The following MCM3 variants were observed in gnomAD, a reference collection of about 807,000 sequenced individuals.
MCM3 encodes the protein minichromosome maintenance complex component 3.
A neutral mutation model predicts 91.3 loss-of-function variants in MCM3; 59 were observed. That is an observed-to-expected ratio of 0.65 (90% CI 0.52 to 0.80). The LOEUF is 0.80. Among genes scored for constraint, MCM3 ranks in the 30% least tolerant of loss-of-function variants. MCM3 has a pLI of 0.00. For missense variants in MCM3, 919 were observed against 1,035.4 expected (o/e 0.89, Z 1.54); for synonymous variants, 383 against 379.6 (o/e 1.01, Z -0.10).
rs184393515 is a variant in MCM3 at position 52,272,686 on chromosome 6, T to C, written c.1677-235A>G. Among the ~76,000 whole-genome samples, 17 of 152,356 alleles carry C rather than the reference T, an allele frequency of 1.1e-4. No individual in the cohort carries two copies. The East Asian group carries it at 3.3e-3, about 29-fold the overall frequency. ...AAAGTTTAGGTATTATTTGCTCTATTTTGTAGGTGGGAAAACTACAGCTCA... is the reference window on the plus strand; with the variant it reads ...AAAGTTTAGGTATTATTTGCTCTATCTTGTAGGTGGGAAAACTACAGCTCA... On this transcript the variant is annotated intron_variant, in intron 11 of 16. Coordinates refer to ENST00000596288, the MANE Select transcript of MCM3 (RefSeq NM_002388.6).
At position 52,266,609 on chromosome 6, in the gene MCM3, A is replaced by G; in HGVS notation, c.2158+2T>C. ...CTTTCATCAGTAAGTGGGCTCACTC[A>G]CCTTGAGGCATTTCCTCCTCTGTGT... On this transcript the variant is annotated splice_donor_variant, in intron 15 of 16. Coordinates refer to ENST00000596288, the MANE Select transcript of MCM3 (RefSeq NM_002388.6). LOFTEE classifies it high-confidence loss of function. 1 of 1,613,570 alleles carries G rather than the reference A, an allele frequency of 6.2e-7. No individual in the cohort carries two copies. The highest frequency in any genetic ancestry group is 8.5e-7 in the Non-Finnish European group (1 of 1,179,550).
intron 5 of MCM3, 95 bp downstream of exon 5, chr6:52,279,266 T>C: frequency 9.5e-7 from 1 of 1,049,910 alleles, no homozygotes; most frequent in East Asian, 2.4e-5. Context: ...ACCTATCAGA[T>C]ATAACTCTCT....
At chr6:52,277,273 G>A (rs1765660530) in intron 7 of MCM3, 75 bp from the exon 8 acceptor site, 2 of 1,503,342 alleles carry the variant, frequency 1.3e-6, no homozygotes, top group South Asian at 1.2e-5. Flanking sequence ...TTCTAGCACA[G>A]CTCTTGACAC....
chr6:52,277,504 A>G, intron 7 of MCM3, 31 bp downstream of exon 7: 1 of 1,594,088 alleles, frequency 6.3e-7, no homozygotes, highest in East Asian at 2.2e-5. Flanking sequence ...CCATCAGAAC[A>G]ACAGTCTAAA....
chr6:52,283,076 A>G (rs554840922), intron 2 of MCM3, among the ~76,000 whole-genome samples: 4 of 151,814 alleles, frequency 2.6e-5, no homozygotes, highest in Non-Finnish European at 5.9e-5. Context: ...TATAAAAATG[A>G]TATTCAGCTA....
At chr6:52,279,688 A>C (rs1034071027) in intron 4 of MCM3, 89 bp from the exon 5 acceptor site, 5 of 972,216 alleles carry the variant, frequency 5.1e-6, no homozygotes, top group African/African-American at 4.9e-5. Flanking sequence ...AGATGACTTC[A>C]TAAAATTTTA....
chr6:52,282,348 T>A (rs994850045), intron 3 of MCM3, among the ~76,000 whole-genome samples, 173 bp from the exon 4 acceptor site: 3 of 151,910 alleles, frequency 2.0e-5, no homozygotes, highest in Non-Finnish European at 4.4e-5. Flanking sequence ...ACCACCACCA[T>A]ATCCATGTAA....
At chr6:52,276,581 A>C in intron 8 of MCM3, 105 bp from the exon 9 acceptor site, 2 of 956,086 alleles carry the variant, frequency 2.1e-6, no homozygotes, top group Non-Finnish European at 3.1e-6. Context: ...TGCACGTGAG[A>C]ATGCGGCAAT....
Position 52,279,462 on chromosome 6 carries a change from A to T in MCM3, c.669T>A (p.Asp223Glu). 1.9e-6 allele frequency: 3 copies of T among 1,614,158 alleles called. No individual in the cohort carries two copies. The highest frequency in any genetic ancestry group is 2.7e-5 in the African/African-American group (2 of 75,040). The change falls in exon 5 of 17, where the codon GAT becomes GAA. Residue 223 changes from aspartate (D) to glutamate (E), a missense_variant. This residue lies in a region of MCM3 where 401 missense variants were observed against 402.7 expected (regional missense o/e 1.00). Transcript: ENST00000596288. The part of the protein sequence containing the change: ...LPRSVDVILD[D>E]DLVDKAKPGD... ...CAGGCTTCGCTTTATCCACCAAGTC[A>T]TCATCCAGAATGACGTCCACAGAGC...
At chr6:52,278,070 CAAAAAAAAAAAAAAA>C (rs61625257) in intron 6 of MCM3, among the ~76,000 whole-genome samples, 6 of 38,962 alleles carry the variant, frequency 1.5e-4, no homozygotes, top group South Asian at 1.8e-3. Context: ...TCCGTCTCAC[CAAAAAAAAAAAAAAA>C]AAAAAAAAAA....
In MCM3 at chr6:52,273,252, G is replaced by C. The variant is rs1765277341; in HGVS notation, c.1654C>G (p.Leu552Val). 6.2e-7 allele frequency: 1 copy of C among 1,614,098 alleles called. No homozygotes were observed. Among genetic ancestry groups the C allele is most frequent in the African/African-American group, 1.3e-5 (1 of 74,944 alleles). Residue 552 changes from leucine (L) to valine (V), a missense_variant, in exon 11 of 17, where the codon CTA becomes GTA. By Grantham distance (32) the Leu-to-Val change is conservative. Around this residue, in one of 3 missense-constraint regions of MCM3, gnomAD observed 233 missense variants for 321.2 expected, o/e 0.73. Transcript: ENST00000596288. ...TQIYEKHDNLLHGTKKKKEKM... is the reference protein window; with the variant it reads ...TQIYEKHDNLVHGTKKKKEKM... ...CACTTTTTCTTCTTGGTCCCATGTA[G>C]AAGGTTGTCATGCTTCTCATAAATC...
chr6:52,284,147 T>C lies in MCM3; in HGVS notation c.78+450A>G, dbSNP rs569479661. 2.0e-4 allele frequency among the ~76,000 whole-genome samples: 31 copies of C among 152,306 alleles called. 1 individual carries two copies. In the South Asian group the frequency reaches 3.5e-3, roughly 17 times the overall value. On this transcript the variant is annotated intron_variant, in intron 1 of 16. Coordinates refer to ENST00000596288, the MANE Select transcript of MCM3 (RefSeq NM_002388.6). ...CTTTTTATCTGCATCTTAGTTGGTA[T>C]TGAAAAAGAATGCAGCCGAATTATG...
rs572105631 is a variant in MCM3 at position 52,280,294 on chromosome 6, C to T, written c.532-695G>A. ...GCTTGTAAAAATTCATCAAGCTATA[C>T]ACTTATGTGAGCTTTCCTGTACGTA... On this transcript the variant is annotated intron_variant, in intron 4 of 16. Coordinates refer to ENST00000596288, the MANE Select transcript of MCM3 (RefSeq NM_002388.6). Among the ~76,000 whole-genome samples the T allele has an allele frequency of 7.2e-5, 11 of 152,322 alleles. No homozygotes were observed. The South Asian group carries it at 2.1e-3, about 29-fold the overall frequency.
chr6:52,279,635 C>A, intron 4 of MCM3, 36 bp from the exon 5 acceptor site: 1 of 1,455,872 alleles, frequency 6.9e-7, no homozygotes, highest in Non-Finnish European at 9.5e-7. Context: ...GAGTGATCTC[C>A]GTCCTGTCTT....
chr6:52,267,096 C>CTTT (rs70977337), intron 14 of MCM3, among the ~76,000 whole-genome samples: 2 of 111,572 alleles, frequency 1.8e-5, no homozygotes, highest in African/African-American at 6.7e-5. Context: ...AGGGTATCTT[C>CTTT]TTTTTTTTTT....
At chr6:52,265,380 C>A in intron 16 of MCM3, 1 of 300,576 alleles carries the variant, frequency 3.3e-6, no homozygotes, top group Non-Finnish European at 6.7e-6. Flanking sequence ...TGGTGAGATC[C>A]CGTCTCTACA....
At chr6:52,278,419 T>C (rs895714492) in intron 6 of MCM3, among the ~76,000 whole-genome samples, 2 of 152,062 alleles carry the variant, frequency 1.3e-5, no homozygotes, top group African/African-American at 2.4e-5. Flanking sequence ...AAAGAAAAAA[T>C]GTTTAAGTAG....
At chr6:52,270,234 CAGG>C (rs1423806024) in intron 12 of MCM3, among the ~76,000 whole-genome samples, 6 of 149,480 alleles carry the variant, frequency 4.0e-5, no homozygotes, top group Admixed American at 1.4e-4. Context: ...GAGGCTGAGG[CAGG>C]AGAATAGCTT....
At chr6:52,269,336 G>T in intron 12 of MCM3, 110 bp from the exon 13 acceptor site, 1 of 1,036,704 alleles carries the variant, frequency 9.6e-7, no homozygotes. Context: ...GGAGGCCCAA[G>T]CAAAGAATTC....
Sources: allele counts gnomAD v4.1 joint callset (sites outside exome capture counted in the v4.1 genomes callset), GRCh38; gene constraint gnomAD v4.1.1; regional missense constraint gnomAD v4.1.1; transcripts MANE v1.5; gene names NCBI Gene and HGNC (gene_info 2026-07-23, HGNC 2026-07-21).